Variants in TENM4 observed in about 807,000 individuals in gnomAD.
TENM4 encodes teneurin-4.
TENM4 carries 82 observed loss-of-function variants against 243.3 expected under a neutral mutation model. That is an observed-to-expected ratio of 0.34 (90% CI 0.28 to 0.40). The LOEUF (loss-of-function observed/expected upper bound fraction) is 0.40. Ranked by LOEUF, TENM4 falls within the 10% of genes least tolerant of loss-of-function variation. The pLI is 1.00. For synonymous variants in TENM4, 1,412 were observed against 1,456.3 expected (o/e 0.97, Z 0.69); for missense variants, 3,138 against 3,673.3 (o/e 0.85, Z 3.77).
chr11:79,433,857 A>ATTGTG (rs1178416898), intron 1 of TENM4, among the ~76,000 whole-genome samples: 3 of 152,242 alleles, frequency 2.0e-5, no homozygotes, highest in Non-Finnish European at 2.9e-5. Context: ...GTATCAAAGC[A>ATTGTG]GCATCTAAAC....
At chr11:79,251,765 T>G (rs1295486792) in intron 2 of TENM4, among the ~76,000 whole-genome samples, 16 of 151,158 alleles carry the variant, frequency 1.1e-4, no homozygotes, top group Admixed American at 1.1e-3. Flanking sequence ...AATAAAATTA[T>G]GAGAAAATAT....
intron 25 of TENM4, among the ~76,000 whole-genome samples, chr11:78,713,722 T>C (rs1371928909): frequency 6.6e-6 from 1 of 152,218 alleles, no homozygotes; most frequent in East Asian, 1.9e-4. Context: ...AGATGCTCAA[T>C]AATAATTATT....
At chr11:78,905,291 C>A (rs1256816300) in intron 6 of TENM4, among the ~76,000 whole-genome samples, 1 of 152,142 alleles carries the variant, frequency 6.6e-6, no homozygotes, top group Non-Finnish European at 1.5e-5. Flanking sequence ...GTATGAAGCA[C>A]CATTAGTGTT....
intron 19 of TENM4, among the ~76,000 whole-genome samples, chr11:78,744,298 A>T (rs1275369473): frequency 6.6e-6 from 1 of 152,174 alleles, no homozygotes; most frequent in Admixed American, 6.5e-5. Flanking sequence ...GCTCTACCTC[A>T]GTTTCTTGAA....
intron 4 of TENM4, among the ~76,000 whole-genome samples, chr11:79,130,872 A>G (rs960951572): frequency 2.6e-5 from 4 of 152,142 alleles, no homozygotes; most frequent in African/African-American, 9.7e-5. Flanking sequence ...ACACTTATCA[A>G]AATGCAAAAT....
chr11:79,075,566 C>G (rs1208864220), intron 4 of TENM4, among the ~76,000 whole-genome samples: 3 of 152,170 alleles, frequency 2.0e-5, no homozygotes, highest in African/African-American at 7.2e-5. Flanking sequence ...CTACTTTAAA[C>G]CTAGACCAAA....
intron 3 of TENM4, among the ~76,000 whole-genome samples, chr11:79,155,423 A>G (rs890462802): frequency 2.0e-5 from 3 of 151,544 alleles, no homozygotes; most frequent in Non-Finnish European, 4.4e-5. Context: ...GTCACAGTCC[A>G]TAGAACAACA....
rs181940648 is a variant in TENM4 at position 78,744,233 on chromosome 11, C to T, written c.2757-5663G>A. Among the ~76,000 whole-genome samples, 357 of 152,360 alleles carry T rather than the reference C, an allele frequency of 2.3e-3. 3 individuals carry two copies. The highest frequency in any genetic ancestry group is 8.1e-3 in the African/African-American group (337 of 41,586). ...CTCTGCAGCTCCCAAGACCATCTTTCAAGCCCAGCCACCAGGCTGATCTGT... is the reference window on the plus strand; with the variant it reads ...CTCTGCAGCTCCCAAGACCATCTTTTAAGCCCAGCCACCAGGCTGATCTGT... On this transcript the variant is annotated intron_variant, in intron 19 of 33. Transcript: ENST00000278550.
At chr11:79,312,255 ACGGACTATGTCTG>A (rs975339814) in intron 1 of TENM4, among the ~76,000 whole-genome samples, 3 of 152,194 alleles carry the variant, frequency 2.0e-5, no homozygotes, top group Admixed American at 1.3e-4. Flanking sequence ...CAAGGAGGGA[ACGGACTATGTCTG>A]CTCACTGCCA....
At chr11:79,180,761 T>G (rs1414762706) in intron 3 of TENM4, among the ~76,000 whole-genome samples, 4 of 151,460 alleles carry the variant, frequency 2.6e-5, no homozygotes, top group Admixed American at 2.6e-4. Context: ...GGAGGATCCC[T>G]TGAGCCTAAG....
intron 7 of TENM4, among the ~76,000 whole-genome samples, chr11:78,902,814 G>A (rs1855960929): frequency 6.6e-6 from 1 of 152,194 alleles, no homozygotes; most frequent in African/African-American, 2.4e-5. Context: ...GGCCAGGCAG[G>A]TCTGACACTA....
At chr11:78,770,879 C>T (rs905732890) in intron 18 of TENM4, 113 bp downstream of exon 18, 1 of 1,430,262 alleles carries the variant, frequency 7.0e-7, no homozygotes, top group Non-Finnish European at 9.4e-7. Context: ...CGCAGGTCCC[C>T]CTGACTGGAT....
intron 6 of TENM4, among the ~76,000 whole-genome samples, chr11:78,905,627 C>G (rs187762018): frequency 1.3e-5 from 2 of 152,190 alleles, no homozygotes; most frequent in Non-Finnish European, 2.9e-5. Flanking sequence ...CTGAGACCAT[C>G]TGAATGGCCA....
At chr11:78,723,572 C>T (rs1312780288) in intron 23 of TENM4, among the ~76,000 whole-genome samples, 1 of 152,246 alleles carries the variant, frequency 6.6e-6, no homozygotes, top group Admixed American at 6.5e-5. Context: ...GATCTCTTTA[C>T]TGCTTTAACT....
chr11:78,962,929 T>C (rs1207846147), intron 6 of TENM4, among the ~76,000 whole-genome samples: 1 of 152,254 alleles, frequency 6.6e-6, no homozygotes, highest in African/African-American at 2.4e-5. Context: ...AACACAGCAA[T>C]GTTTCATTTT....
At chr11:79,097,046 G>C (rs1249990778) in intron 4 of TENM4, 1 of 151,782 alleles carries the variant, frequency 6.6e-6, no homozygotes, top group Admixed American at 6.6e-5. Context: ...AATAAAAGTA[G>C]CTACTATAGT....
intron 3 of TENM4, among the ~76,000 whole-genome samples, chr11:79,152,718 C>T (rs934835881): frequency 1.3e-5 from 2 of 152,198 alleles, no homozygotes; most frequent in Non-Finnish European, 2.9e-5. Context: ...CTACTGATGT[C>T]CAATGGATAT....
chr11:79,253,420 C>T (rs917817264), intron 2 of TENM4, among the ~76,000 whole-genome samples: 1 of 152,190 alleles, frequency 6.6e-6, no homozygotes, highest in African/African-American at 2.4e-5. Context: ...GGAAAATAAT[C>T]GCAGCCTGTC....
At chr11:78,971,167 G>A (rs1367188006) in intron 6 of TENM4, among the ~76,000 whole-genome samples, 5 of 142,352 alleles carry the variant, frequency 3.5e-5, no homozygotes, top group Admixed American at 6.9e-5. Flanking sequence ...GGGATCATAG[G>A]TGTGAGCCAA....
Sources: allele counts gnomAD v4.1 joint callset (sites outside exome capture counted in the v4.1 genomes callset), GRCh38; gene constraint gnomAD v4.1.1; transcripts MANE v1.5; gene names NCBI Gene and HGNC (gene_info 2026-07-23, HGNC 2026-07-21).